Variants in TENM2 observed in about 807,000 individuals in gnomAD.
TENM2 encodes the protein teneurin transmembrane protein 2.
TENM2 carries 52 observed loss-of-function variants against 245.2 expected under a neutral mutation model. The observed-to-expected ratio is 0.21, with a 90% confidence interval of 0.17 to 0.27. The LOEUF (loss-of-function observed/expected upper bound fraction) is 0.27. TENM2 is among the 10% of genes least tolerant of loss of function. The probability of loss-of-function intolerance (pLI) is 1.00; values close to 1 mark genes in which losing one functional copy is unlikely to be tolerated. For missense variants in TENM2, 3,046 were observed against 3,666.8 expected (o/e 0.83, Z 4.37); for synonymous variants, 1,363 against 1,438.9 (o/e 0.95, Z 1.19).
chr5:168,216,084 C>T (rs1188692386), intron 21 of TENM2, among the ~76,000 whole-genome samples: 1 of 152,188 alleles, frequency 6.6e-6, no homozygotes, highest in Non-Finnish European at 1.5e-5. Context: ...GAGTCCAATT[C>T]CTGTTAGCAT....
At chr5:167,714,627 A>T (rs142423431) in intron 2 of TENM2, among the ~76,000 whole-genome samples, 1 of 152,248 alleles carries the variant, frequency 6.6e-6, no homozygotes, top group African/African-American at 2.4e-5. Context: ...CAATAAACAA[A>T]TAATAGGAAT....
At chr5:168,185,900 T>G (rs1228128690) in intron 13 of TENM2, among the ~76,000 whole-genome samples, 2 of 135,548 alleles carry the variant, frequency 1.5e-5, no homozygotes, top group African/African-American at 5.3e-5. Flanking sequence ...GGACATATAC[T>G]ATATACCAGA....
chr5:167,518,653 A>C (rs1770556098), intron 2 of TENM2, among the ~76,000 whole-genome samples: 1 of 152,180 alleles, frequency 6.6e-6, no homozygotes, highest in Non-Finnish European at 1.5e-5. Context: ...AGTATCATTT[A>C]ATCATCAGTC....
chr5:167,003,742 A>G, the TENM2 span, among the ~76,000 whole-genome samples: 5 of 152,192 alleles, frequency 3.3e-5, no homozygotes, highest in Admixed American at 6.5e-5. Context: ...TTCTCAAACT[A>G]TAGTAAAATG....
intron 7 of TENM2, among the ~76,000 whole-genome samples, chr5:168,080,162 G>T (rs1412484560): frequency 6.6e-6 from 1 of 151,946 alleles, no homozygotes; most frequent in South Asian, 2.1e-4. Flanking sequence ...GTCTTGGGAG[G>T]GTGTGTGTGT....
At chr5:167,134,466 T>C in the TENM2 span, among the ~76,000 whole-genome samples, 1 of 152,242 alleles carries the variant, frequency 6.6e-6, no homozygotes, top group South Asian at 2.1e-4. Context: ...GATTCATTAT[T>C]GGCAGTAGAT....
chr5:167,017,195 G>A, the TENM2 span, among the ~76,000 whole-genome samples: 21 of 152,156 alleles, frequency 1.4e-4, no homozygotes, highest in Admixed American at 1.2e-3. Flanking sequence ...ATTTGCTTAA[G>A]GCCTTATAAC....
intron 3 of TENM2, among the ~76,000 whole-genome samples, chr5:167,890,578 T>C (rs1261296562): frequency 6.6e-6 from 1 of 152,160 alleles, no homozygotes; most frequent in Non-Finnish European, 1.5e-5. Context: ...TACATAAACA[T>C]TCATAATTCT....
chr5:167,903,606 A>G (rs1775880078), intron 3 of TENM2, among the ~76,000 whole-genome samples: 2 of 152,212 alleles, frequency 1.3e-5, no homozygotes. Context: ...AAGAAGCAGG[A>G]AAGTTCTTGG....
chr5:167,477,287 A>T (rs926173819), intron 2 of TENM2, among the ~76,000 whole-genome samples: 4 of 149,760 alleles, frequency 2.7e-5, no homozygotes, highest in African/African-American at 9.8e-5. Context: ...AAAAAATACC[A>T]TGACTAGTAA....
At chr5:167,960,541 C>CT (rs1780928356) in intron 4 of TENM2, among the ~76,000 whole-genome samples, 1 of 152,058 alleles carries the variant, frequency 6.6e-6, no homozygotes, top group African/African-American at 2.4e-5. Flanking sequence ...TGGACCCCCC[C>CT]TCCCTCCCAC....
At chr5:167,792,328 G>A (rs1208731894) in intron 2 of TENM2, among the ~76,000 whole-genome samples, 7 of 152,034 alleles carry the variant, frequency 4.6e-5, no homozygotes, top group African/African-American at 1.7e-4. Context: ...TGGCTTACAG[G>A]TCATTCTGTG....
chr5:167,389,324 C>A (rs1761626856), intron 2 of TENM2, among the ~76,000 whole-genome samples: 1 of 151,292 alleles, frequency 6.6e-6, no homozygotes, highest in Non-Finnish European at 1.5e-5. Flanking sequence ...TTGACACCAA[C>A]AATAACTATG....
intron 2 of TENM2, among the ~76,000 whole-genome samples, chr5:167,798,821 G>A (rs1765500187): frequency 6.6e-6 from 1 of 152,186 alleles, no homozygotes; most frequent in Non-Finnish European, 1.5e-5. Context: ...AAACTCCACT[G>A]TGGTTGAGGG....
At chr5:167,377,594 A>G (rs1760841018) in intron 2 of TENM2, among the ~76,000 whole-genome samples, 1 of 152,216 alleles carries the variant, frequency 6.6e-6, no homozygotes, top group African/African-American at 2.4e-5. Flanking sequence ...AAATAAAAAT[A>G]AGAAATTTTA....
intron 12 of TENM2, among the ~76,000 whole-genome samples, chr5:168,143,321 C>T (rs1755724054): frequency 6.6e-6 from 1 of 150,770 alleles, no homozygotes; most frequent in South Asian, 2.1e-4. Context: ...GAATATTATA[C>T]TCTCAAACAA....
intron 2 of TENM2, among the ~76,000 whole-genome samples, chr5:167,690,965 G>C (rs1400081488): frequency 1.4e-5 from 2 of 145,072 alleles, no homozygotes; most frequent in Non-Finnish European, 3.0e-5. Flanking sequence ...GTGTGTGTGT[G>C]TGTGTAGAGA....
the TENM2 span, among the ~76,000 whole-genome samples, chr5:167,130,888 CT>C: frequency 0.032 from 2,348 of 73,400 alleles, 22 homozygotes; most frequent in African/African-American, 0.08. Context: ...GTGTTAAATG[CT>C]TTTTTTTTTT....
intron 25 of TENM2, among the ~76,000 whole-genome samples, chr5:168,236,675 G>A (rs1765451047): frequency 6.6e-6 from 1 of 151,644 alleles, no homozygotes; most frequent in African/African-American, 2.4e-5. Context: ...TCCCCCTCTG[G>A]CCTGTGGCCT....
Sources: allele counts gnomAD v4.1 joint callset (sites outside exome capture counted in the v4.1 genomes callset), GRCh38; gene constraint gnomAD v4.1.1; transcripts MANE v1.5; gene names NCBI Gene and HGNC (gene_info 2026-07-23, HGNC 2026-07-21).